Variants in CNDP1 observed in about 807,000 individuals in gnomAD.
CNDP1 encodes beta-Ala-His dipeptidase.
CNDP1 carries 44 observed loss-of-function variants against 58.1 expected under a neutral mutation model. That is an observed-to-expected ratio of 0.76 (90% CI 0.60 to 0.97). The LOEUF is 0.97. Among genes scored for constraint, CNDP1 ranks in the 50% least tolerant of loss-of-function variants. The pLI is 0.00. For synonymous variants in CNDP1, 254 were observed against 252.6 expected, an observed-to-expected ratio of 1.01 and a Z score of -0.05; for missense variants, 616 against 655.1, an observed-to-expected ratio of 0.94 and a Z score of 0.65.
intron 1 of CNDP1, among the ~76,000 whole-genome samples, chr18:74,539,646 A>G (rs1279514791): frequency 6.6e-6 from 1 of 152,216 alleles, no homozygotes; most frequent in Non-Finnish European, 1.5e-5. Context: ...GGTTCCTGGG[A>G]TCAGTGGCGT....
intron 11 of CNDP1, 51 bp downstream of exon 11, chr18:74,583,759 C>T (rs368501088): frequency 1.4e-4 from 220 of 1,581,122 alleles, no homozygotes; most frequent in Non-Finnish European, 1.8e-4. Flanking sequence ...TTACTGCACA[C>T]ACCCGGGTCT....
chr18:74,545,948 G>A lies in CNDP1; in HGVS notation c.25-10390G>A, dbSNP rs548911759. 2.0e-5 allele frequency among the ~76,000 whole-genome samples: 3 copies of A among 152,110 alleles called. No homozygotes were observed. The highest frequency in any genetic ancestry group is 2.9e-5 in the Non-Finnish European group (2 of 68,028). On this transcript the variant is annotated intron_variant, in intron 1 of 11. Coordinates refer to ENST00000358821, the MANE Select transcript of CNDP1 (RefSeq NM_032649.6). The surrounding 1 kb of genome is among the most constrained non-coding windows in gnomAD (Gnocchi z 4.1). ...CCCTCAAAACCGAGAGCCATGCCCT[G>A]TTTCCCCATTGGAAACACGCTTTTG...
At chr18:74,546,448 A>G (rs1980762534) in intron 1 of CNDP1, among the ~76,000 whole-genome samples, 1 of 152,044 alleles carries the variant, frequency 6.6e-6, no homozygotes, top group Non-Finnish European at 1.5e-5. Flanking sequence ...CCCAGGAGAG[A>G]AGACGCTGTA....
chr18:74,583,488 C>A, intron 10 of CNDP1, 73 bp from the exon 11 acceptor site: 1 of 1,218,108 alleles, frequency 8.2e-7, no homozygotes, highest in Non-Finnish European at 1.2e-6. Context: ...GTAAAGGAGG[C>A]ACTGACCTTG....
chr18:74,567,208 AT>A lies in CNDP1; in HGVS notation c.556-18del, dbSNP rs1443692141. 5.6e-6 allele frequency: 9 copies of A among 1,602,570 alleles called. No individual in the cohort carries two copies. The African/African-American group carries it at 6.7e-5, about 12-fold the overall frequency. Reference sequence around the variant, plus strand: ...CAAACCACATCAGGCAACTTGTGCAATTTTTTTCTTCTGTTGTTACTTAGGA... The same window carrying A: ...CAAACCACATCAGGCAACTTGTGCAATTTTTTCTTCTGTTGTTACTTAGGA... On this transcript the variant is annotated intron_variant, in intron 5 of 11. Transcript: ENST00000358821.
In CNDP1 at chr18:74,541,665, G is replaced by C. The variant is rs1303230286; in HGVS notation, c.24+6974G>C. 3.9e-5 allele frequency among the ~76,000 whole-genome samples: 6 copies of C among 152,174 alleles called. 1 individual carries two copies. In the South Asian group the frequency reaches 1.2e-3, roughly 32 times the overall value. Reference sequence around the variant, plus strand: ...CAGGCAGCAGCAAGGCTGGAGCAGGGGACCTGAGCCCTGAGGTCCTCCCCA... The same window carrying C: ...CAGGCAGCAGCAAGGCTGGAGCAGGCGACCTGAGCCCTGAGGTCCTCCCCA... On this transcript the variant is annotated intron_variant, in intron 1 of 11. Transcript: ENST00000358821.
rs182983125 is a variant in CNDP1 at position 74,556,436 on chromosome 18, C to T, written c.123C>T (p.Tyr41=). ...CGCTGTTAGAGAAAGTCTTCCAGTA[C>T]ATTGACCTCCATCAGGATGAATTTG... The part of the protein sequence containing the change: ...PPALLEKVFQ[Y]IDLHQDEFVQ... The change falls in exon 2 of 12, where the codon TAC becomes TAT. Residue 41 remains tyrosine (Y), a synonymous_variant. Coordinates refer to ENST00000358821, the MANE Select transcript of CNDP1 (RefSeq NM_032649.6). The T allele has an allele frequency of 9.3e-6, 15 of 1,614,228 alleles. No homozygotes were observed. The Admixed American group carries it at 1.2e-4, about 13-fold the overall frequency.
At position 74,578,221 on chromosome 18, in the gene CNDP1, G is replaced by T. The variant is rs757836729; in HGVS notation, c.1061G>T (p.Gly354Val). The T allele has an allele frequency of 1.2e-6, 2 of 1,614,006 alleles. No homozygotes were observed. Among genetic ancestry groups the T allele is most frequent in the Non-Finnish European group, 1.7e-6 (2 of 1,179,992 alleles). ...TCTCTTTCTATTCATGGGATCGAGG[G>T]CGCGTTTGATGAGCCTGGAACTAAA... is the stretch of plus-strand genomic sequence containing the variant. ...YPSLSIHGIE[G>V]AFDEPGTKTV... Residue 354 changes from glycine (G) to valine (V), a missense_variant, in exon 9 of 12, where the codon GGC becomes GTC. Transcript: ENST00000358821.
intron 1 of CNDP1, among the ~76,000 whole-genome samples, chr18:74,548,508 C>T (rs1980820015): frequency 1.3e-5 from 2 of 152,158 alleles, no homozygotes; most frequent in African/African-American, 4.8e-5. Flanking sequence ...CCAATTACAC[C>T]TCTTTTCTTT....
At position 74,546,028 on chromosome 18, in the gene CNDP1, A is replaced by G. The variant is rs1240954858; in HGVS notation, c.25-10310A>G. On this transcript the variant is annotated intron_variant, in intron 1 of 11. Transcript: ENST00000358821. ...CTGATGACACCACTGTCCCTGGTAG[A>G]GTATACTTCAATGTATCGATTTAAC... is the stretch of plus-strand genomic sequence containing the variant. Among the ~76,000 whole-genome samples the G allele has an allele frequency of 2.0e-5, 3 of 152,214 alleles. No homozygotes were observed. In the East Asian group the frequency reaches 5.8e-4, roughly 29 times the overall value.
intron 9 of CNDP1, 83 bp downstream of exon 9, chr18:74,578,410 G>T: frequency 7.4e-7 from 1 of 1,347,016 alleles, no homozygotes; most frequent in Non-Finnish European, 1.0e-6. Context: ...TGAGCAGTGA[G>T]GTTGCTACCA....
intron 1 of CNDP1, among the ~76,000 whole-genome samples, chr18:74,537,355 C>T (rs1980509713): frequency 6.6e-6 from 1 of 152,170 alleles, no homozygotes; most frequent in Admixed American, 6.5e-5. Context: ...CTGCATATGG[C>T]TAATGGCTAG....
chr18:74,577,021 G>A lies in CNDP1; in HGVS notation c.994G>A (p.Asp332Asn), dbSNP rs148917348. ...NSSRVEKFLF[D>N]TKEEILMHLW... ...CAGCCGGGTTGAGAAATTTCTGTTC[G>A]ATACTAAGGTATGGCCACAGACTGA... Residue 332 changes from aspartate to asparagine, a missense_variant, in exon 8 of 12, where the codon GAT (aspartate) becomes AAT (asparagine). Asp to Asn is a conservative substitution (Grantham distance 23, BLOSUM62 1). Transcript: ENST00000358821. 94 of 1,611,584 alleles carry A rather than the reference G, an allele frequency of 5.8e-5. No homozygotes were observed. The highest frequency in any genetic ancestry group is 1.7e-4 in the Middle Eastern group (1 of 6,052).
chr18:74,557,055 A>G (rs1297602218), intron 2 of CNDP1, among the ~76,000 whole-genome samples: 1 of 149,816 alleles, frequency 6.7e-6, no homozygotes, highest in African/African-American at 2.5e-5. Flanking sequence ...AGCTGGGATT[A>G]CAGGCACCTG....
chr18:74,573,839 G>A (rs1026789646), intron 7 of CNDP1, among the ~76,000 whole-genome samples: 1 of 152,128 alleles, frequency 6.6e-6, no homozygotes, highest in Admixed American at 6.5e-5. Flanking sequence ...GAGTCGGCTC[G>A]GGCTCATGAA....
At chr18:74,573,266 T>A in intron 7 of CNDP1, among the ~76,000 whole-genome samples, 1 of 151,810 alleles carries the variant, frequency 6.6e-6, no homozygotes, top group Non-Finnish European at 1.5e-5. Flanking sequence ...TATCTATCCA[T>A]CTATCATCTT....
rs145668526 is a variant in CNDP1, at chr18:74,547,652, C to T, written c.25-8686C>T. 8.3e-3 allele frequency among the ~76,000 whole-genome samples: 1,260 copies of T among 152,260 alleles called. 18 individuals carry two copies. The highest frequency in any genetic ancestry group is 0.029 in the African/African-American group (1,185 of 41,526). On this transcript the variant is annotated intron_variant, in intron 1 of 11. Transcript: ENST00000358821. ...GGGCATGCAACTCTCCAGTTGTTAG[C>T]AAGAGCTAGGAGGGAGGTGGAGGCG...
At position 74,586,274 on chromosome 18, in the gene CNDP1, A is replaced by C. The variant is rs1249492182; in HGVS notation, c.*1712A>C. On this transcript the variant is annotated 3_prime_UTR_variant, in exon 12 of 12. Coordinates refer to ENST00000358821, the MANE Select transcript of CNDP1 (RefSeq NM_032649.6). Reference sequence around the variant, plus strand: ...AGCCATCACATCTCCAATTCTATAGAATATCAAGTCATCGTTAAAGAACAG... The same window carrying C: ...AGCCATCACATCTCCAATTCTATAGCATATCAAGTCATCGTTAAAGAACAG... 1 of 152,176 alleles carries C rather than the reference A, an allele frequency of 6.6e-6. No homozygotes were observed. Among genetic ancestry groups the C allele is most frequent in the Non-Finnish European group, 1.5e-5 (1 of 68,030 alleles). The allele number at this position is 152,176 out of a possible 1,614,324, so 9.4% of individuals were successfully genotyped here. A position where few individuals can be genotyped will look rare whatever the true frequency, so the allele number is the denominator to read the frequency against.
At chr18:74,543,633 A>C (rs1980684363) in intron 1 of CNDP1, among the ~76,000 whole-genome samples, 1 of 152,256 alleles carries the variant, frequency 6.6e-6, no homozygotes, top group African/African-American at 2.4e-5. Flanking sequence ...TAGACTGGGC[A>C]CAGTCAAAGT....
Sources: gnomAD v4.1 joint callset for allele counts (sites outside exome capture counted in the v4.1 genomes callset) on GRCh38, gnomAD v4.1.1 for gene constraint, Gnocchi (gnomAD v3.1) non-coding constraint, MANE v1.5 for transcripts, NCBI Gene and HGNC (gene_info 2026-07-23, HGNC 2026-07-21) for gene names.